The following WASF1 variants were observed in gnomAD, a reference collection of about 807,000 sequenced individuals.
WASF1 encodes the protein actin-binding protein WASF1.
WASF1 carries 7 observed loss-of-function variants against 50.5 expected under a neutral mutation model. The observed-to-expected ratio is 0.14, with a 90% CI of 0.08 to 0.26. The LOEUF is 0.26. Ranked by LOEUF, WASF1 falls within the 10% of genes least tolerant of loss-of-function variation. WASF1 has a pLI of 1.00. For missense variants in WASF1, 470 were observed against 694.7 expected (o/e 0.68, Z 3.64); for synonymous variants, 205 against 244.0 (o/e 0.84, Z 1.49).
chr6:110,161,561 T>C (rs145981643), intron 2 of WASF1, among the ~76,000 whole-genome samples: 1 of 151,638 alleles, frequency 6.6e-6, no homozygotes, highest in Non-Finnish European at 1.5e-5. Flanking sequence ...GGTCAAGATA[T>C]GTGAGACCTC....
chr6:110,167,143 T>C (rs868742348), intron 2 of WASF1, among the ~76,000 whole-genome samples: 1 of 146,378 alleles, frequency 6.8e-6, no homozygotes. Flanking sequence ...TACTCACATA[T>C]TTGTGGTGAT....
At position 110,101,718 on chromosome 6, in the gene WASF1, A is replaced by G. The variant is rs751072219; in HGVS notation, c.1392T>C (p.Gly464=). Residue 464 remains glycine (G), a synonymous_variant, in exon 10 of 11, where the codon GGT becomes GGC. Transcript: ENST00000392589. ...ATGGAGGCATTAATGGAACATGGGG[A>G]CCTGGGGCAGTAGATGGAGTTGGAT... ...GLHPTPSTAP[G]PHVPLMPPSP... is the part of the protein sequence containing the mutation. 4 of 1,613,934 alleles carry G rather than the reference A, an allele frequency of 2.5e-6. No homozygotes were observed. Among genetic ancestry groups the G allele is most frequent in the Middle Eastern group, 1.6e-4 (1 of 6,082 alleles).
chr6:110,139,456 A>C (rs1775122964), intron 3 of WASF1, among the ~76,000 whole-genome samples: 1 of 152,236 alleles, frequency 6.6e-6, no homozygotes, highest in African/African-American at 2.4e-5. Context: ...TGCTGCCGCC[A>C]TCATAAGCAA....
At chr6:110,119,734 C>A (rs1774001332) in intron 4 of WASF1, among the ~76,000 whole-genome samples, 1 of 152,002 alleles carries the variant, frequency 6.6e-6, no homozygotes, top group Non-Finnish European at 1.5e-5. Flanking sequence ...AGAGACACAA[C>A]AAAAAAAGAG....
At chr6:110,161,993 T>C (rs1776278263) in intron 2 of WASF1, among the ~76,000 whole-genome samples, 1 of 151,612 alleles carries the variant, frequency 6.6e-6, no homozygotes, top group Admixed American at 6.6e-5. Context: ...CTAAAGTTTA[T>C]TATTAAGCAA....
At chr6:110,165,268 A>G (rs1368579457) in intron 2 of WASF1, among the ~76,000 whole-genome samples, 1 of 151,742 alleles carries the variant, frequency 6.6e-6, no homozygotes, top group East Asian at 1.9e-4. Flanking sequence ...TAGGCTATAC[A>G]TATGTGGGGT....
At chr6:110,105,304 G>T in intron 8 of WASF1, 103 bp downstream of exon 8, 1 of 1,167,596 alleles carries the variant, frequency 8.6e-7, no homozygotes. Flanking sequence ...TTTATAACAG[G>T]GTCTGCCTGT....
chr6:110,150,131 C>A, intron 3 of WASF1, among the ~76,000 whole-genome samples: 1 of 152,094 alleles, frequency 6.6e-6, no homozygotes, highest in East Asian at 1.9e-4. Context: ...TTCCTCAATT[C>A]CCAGATGACT....
chr6:110,178,740 A>C lies in WASF1; in HGVS notation c.-269T>G, dbSNP rs1383323569. The C allele has an allele frequency of 6.5e-6, 1 of 152,840 alleles. No homozygotes were observed. Among genetic ancestry groups the C allele is most frequent in the East Asian group, 1.9e-4 (1 of 5,194 alleles). The allele number at this position is 152,840 out of a possible 1,614,324, so 9.5% of individuals were successfully genotyped here. A position where few individuals can be genotyped will look rare whatever the true frequency, so the allele number is the denominator to read the frequency against. On this transcript the variant is annotated splice_region_variant and 5_prime_UTR_variant, in exon 2 of 11. It removes an upstream start codon present in the reference 5' UTR. Transcript: ENST00000392589. ...TGTCAGAGTACCGAAGCTAGGGGGC[A>C]TGCTGTAGCAAGGGGAAAAGAAAAA...
chr6:110,102,370 GA>G lies in WASF1; in HGVS notation c.894-155del, dbSNP rs570074367. On this transcript the variant is annotated intron_variant, in intron 9 of 10. Transcript: ENST00000392589. The stretch of plus-strand genomic sequence containing the variant: ...AATTTAACATCTTCAACAGTATTTA[GA>G]AAAAAAAAAAGAACTAAAAGCACAT... 2.1e-3 allele frequency among the ~76,000 whole-genome samples: 293 copies of G among 141,734 alleles called. 1 individual carries two copies. The highest frequency in any genetic ancestry group is 6.3e-3 in the African/African-American group (243 of 38,820). 93.0% of individuals were successfully genotyped at this position (141,734 alleles called of 152,430 possible). A position where few individuals can be genotyped will look rare whatever the true frequency, so the allele number is the denominator to read the frequency against.
At chr6:110,175,450 T>G (rs1471155036) in intron 2 of WASF1, among the ~76,000 whole-genome samples, 1 of 152,092 alleles carries the variant, frequency 6.6e-6, no homozygotes, top group East Asian at 1.9e-4. Flanking sequence ...TACTTTCTTT[T>G]TCAGAGGTAG....
intron 4 of WASF1, among the ~76,000 whole-genome samples, chr6:110,122,000 C>T (rs934907800): frequency 1.7e-4 from 25 of 149,598 alleles, no homozygotes; most frequent in African/African-American, 5.9e-4. Context: ...CACATGGACA[C>T]ATGGTGGGGA....
intron 3 of WASF1, among the ~76,000 whole-genome samples, chr6:110,134,317 C>T (rs1774840908): frequency 1.3e-5 from 2 of 152,112 alleles, no homozygotes; most frequent in Non-Finnish European, 2.9e-5. Context: ...AACAGAGTGT[C>T]CTTTCCCCAC....
intron 4 of WASF1, among the ~76,000 whole-genome samples, chr6:110,116,561 C>T (rs1333986801): frequency 6.7e-6 from 1 of 150,082 alleles, no homozygotes; most frequent in African/African-American, 2.5e-5. Context: ...TCAGTAAGGT[C>T]TATTCCCTCT....
At chr6:110,132,753 C>G (rs1774741191) in intron 3 of WASF1, among the ~76,000 whole-genome samples, 1 of 151,894 alleles carries the variant, frequency 6.6e-6, no homozygotes, top group Admixed American at 6.5e-5. Context: ...ATCCTCATAG[C>G]TTAGCTCCCA....
rs146958069 is a variant in WASF1, at chr6:110,136,636, C to T, written c.-28-9007G>A. Among the ~76,000 whole-genome samples, 478 of 152,308 alleles carry T rather than the reference C, an allele frequency of 3.1e-3. 1 individual carries two copies. The highest frequency in any genetic ancestry group is 0.011 in the African/African-American group (456 of 41,568). ...TTGCTTAAAAGTCTAATTTTTGTAG[C>T]CGTACCAGCTCTTTTGGTTGTGTTT... On this transcript the variant is annotated intron_variant, in intron 3 of 10. Transcript: ENST00000392589.
At chr6:110,154,600 A>G (rs1235693862) in intron 3 of WASF1, among the ~76,000 whole-genome samples, 1 of 152,102 alleles carries the variant, frequency 6.6e-6, no homozygotes, top group Non-Finnish European at 1.5e-5. Flanking sequence ...CCATTATTAT[A>G]AACATTTTAA....
chr6:110,124,575 A>T (rs936654630), intron 4 of WASF1, among the ~76,000 whole-genome samples: 14 of 151,996 alleles, frequency 9.2e-5, no homozygotes, highest in African/African-American at 3.4e-4. Context: ...ACCTAATACA[A>T]AACAGAATTA....
chr6:110,132,155 C>A (rs1414868402), intron 3 of WASF1, among the ~76,000 whole-genome samples: 1 of 152,076 alleles, frequency 6.6e-6, no homozygotes, highest in South Asian at 2.1e-4. Context: ...ACTGGAACCA[C>A]AATATATATT....
Sources: allele counts gnomAD v4.1 joint callset (sites outside exome capture counted in the v4.1 genomes callset), GRCh38; gene constraint gnomAD v4.1.1; transcripts MANE v1.5; gene names NCBI Gene and HGNC (gene_info 2026-07-23, HGNC 2026-07-21).